DPP6: variants seen among roughly 807,000 people sequenced by gnomAD.
DPP6 encodes A-type potassium channel modulatory protein DPP6.
In DPP6, 69 loss-of-function variants were observed where a neutral mutation model predicts 122.6. The ratio of observed to expected loss-of-function variants is 0.56; its 90% confidence interval spans 0.46 to 0.69. The LOEUF is 0.69. Ranked by LOEUF, DPP6 falls within the 30% of genes least tolerant of loss-of-function variation. DPP6 has a pLI of 0.00. For synonymous variants in DPP6, 418 were observed against 433.1 expected (o/e 0.97, Z 0.43); for missense variants, 928 against 1,116.9 (o/e 0.83, Z 2.41).
At chr7:154,774,763 G>T (rs543870294) in intron 10 of DPP6, among the ~76,000 whole-genome samples, 1 of 152,316 alleles carries the variant, frequency 6.6e-6, no homozygotes, top group African/African-American at 2.4e-5. Flanking sequence ...CCAGCCATTT[G>T]CCTGAGCACT....
chr7:154,360,466 C>G (rs1811634985), intron 1 of DPP6, among the ~76,000 whole-genome samples: 1 of 152,208 alleles, frequency 6.6e-6, no homozygotes, highest in East Asian at 1.9e-4. Flanking sequence ...GATGATCGTT[C>G]CAGACAGAGA....
chr7:154,309,857 T>G (rs1372713088), intron 1 of DPP6, among the ~76,000 whole-genome samples: 2 of 152,182 alleles, frequency 1.3e-5, no homozygotes, highest in South Asian at 2.1e-4. Context: ...CCTTTCACAG[T>G]TCACACGGAC....
chr7:154,203,459 T>C (rs1345650213), intron 1 of DPP6, among the ~76,000 whole-genome samples: 1 of 152,204 alleles, frequency 6.6e-6, no homozygotes, highest in Non-Finnish European at 1.5e-5. Context: ...TCCTGACCTC[T>C]GCTCAGAAGC....
At chr7:154,122,965 G>GT (rs1358250811) in intron 1 of DPP6, among the ~76,000 whole-genome samples, 2 of 152,048 alleles carry the variant, frequency 1.3e-5, no homozygotes, top group African/African-American at 4.8e-5. Context: ...CAGCCGTGGA[G>GT]TGGATCTTCA....
At chr7:153,937,329 C>T (rs1343407734) in intron 1 of DPP6, among the ~76,000 whole-genome samples, 2 of 152,012 alleles carry the variant, frequency 1.3e-5, no homozygotes, top group African/African-American at 4.8e-5. Flanking sequence ...TCCCTCCTAA[C>T]TATCACCAAA....
intron 7 of DPP6, among the ~76,000 whole-genome samples, chr7:154,720,682 G>A (rs901694178): frequency 1.7e-4 from 26 of 152,392 alleles, no homozygotes; most frequent in African/African-American, 6.3e-4. Context: ...CAGTGCCACA[G>A]TTGGGTTGAG....
At chr7:154,118,946 G>A (rs1411095665) in intron 1 of DPP6, among the ~76,000 whole-genome samples, 1 of 150,346 alleles carries the variant, frequency 6.7e-6, no homozygotes, top group African/African-American at 2.5e-5. Flanking sequence ...TAAAATAAAA[G>A]CTGACCGACT....
At chr7:154,161,106 T>C (rs1796959024) in intron 1 of DPP6, among the ~76,000 whole-genome samples, 1 of 152,210 alleles carries the variant, frequency 6.6e-6, no homozygotes. Flanking sequence ...TTTTATATAA[T>C]AGATATATCC....
At chr7:154,248,425 G>C (rs1047367418) in intron 1 of DPP6, among the ~76,000 whole-genome samples, 1 of 152,038 alleles carries the variant, frequency 6.6e-6, no homozygotes, top group African/African-American at 2.4e-5. Context: ...AGAGAAGTCA[G>C]AACAGTGATT....
At chr7:154,253,587 ATATG>A (rs1354452914) in intron 1 of DPP6, among the ~76,000 whole-genome samples, 1 of 152,238 alleles carries the variant, frequency 6.6e-6, no homozygotes, top group African/African-American at 2.4e-5. Flanking sequence ...TTTTCTAAGA[ATATG>A]TATATGACTA....
At position 154,794,051 on chromosome 7, in the gene DPP6, C is replaced by A. The variant is rs1159707452; in HGVS notation, c.1137-28C>A. Reference sequence around the variant, plus strand: ...TCTGTCGTGCGGGGGTCCTGCCAAGCTGCTCATGCTGTGTTTGGCGTTTCC... The same window carrying A: ...TCTGTCGTGCGGGGGTCCTGCCAAGATGCTCATGCTGTGTTTGGCGTTTCC... On this transcript the variant is annotated intron_variant, in intron 10 of 25. Coordinates refer to ENST00000377770, the MANE Select transcript of DPP6 (RefSeq NM_130797.4). The A allele has an allele frequency of 3.7e-6, 6 of 1,604,644 alleles. No individual in the cohort carries two copies. In the East Asian group the frequency reaches 1.3e-4, roughly 36 times the overall value.
intron 5 of DPP6, among the ~76,000 whole-genome samples, chr7:154,595,846 G>T (rs1198144661): frequency 1.3e-5 from 2 of 152,184 alleles, no homozygotes; most frequent in Non-Finnish European, 2.9e-5. Context: ...AGATCACAAG[G>T]TCAGGAGTTT....
At chr7:153,915,964 TTTA>T (rs1423825920) in intron 1 of DPP6, among the ~76,000 whole-genome samples, 25 of 151,672 alleles carry the variant, frequency 1.6e-4, no homozygotes, top group Non-Finnish European at 1.5e-5. Flanking sequence ...TATTTATTTA[TTTA>T]TTTATTTATT....
intron 1 of DPP6, among the ~76,000 whole-genome samples, chr7:154,328,132 G>A (rs2151031675): frequency 6.6e-6 from 1 of 152,286 alleles, no homozygotes; most frequent in South Asian, 2.1e-4. Flanking sequence ...GAGACTAAAA[G>A]AAAAGGGAAA....
intron 1 of DPP6, among the ~76,000 whole-genome samples, chr7:154,264,505 T>A (rs1438001273): frequency 6.6e-6 from 1 of 152,158 alleles, no homozygotes; most frequent in Admixed American, 6.5e-5. Flanking sequence ...GTAATAACAA[T>A]GTCTGTCTTG....
At chr7:153,949,904 A>G (rs1230808803) in intron 1 of DPP6, among the ~76,000 whole-genome samples, 3 of 152,186 alleles carry the variant, frequency 2.0e-5, no homozygotes, top group African/African-American at 7.2e-5. Flanking sequence ...CAGGGTCTGG[A>G]GGGTGAGTGG....
At chr7:154,832,437 G>A (rs746318441) in intron 16 of DPP6, among the ~76,000 whole-genome samples, 1 of 152,154 alleles carries the variant, frequency 6.6e-6, no homozygotes, top group African/African-American at 2.4e-5. Flanking sequence ...CCCAACAACC[G>A]ATCATGGGGT....
At chr7:154,003,969 T>C (rs1360149565) in intron 1 of DPP6, among the ~76,000 whole-genome samples, 1 of 152,176 alleles carries the variant, frequency 6.6e-6, no homozygotes, top group Non-Finnish European at 1.5e-5. Context: ...GTACACAGAC[T>C]GTAAGTAAAG....
intron 1 of DPP6, among the ~76,000 whole-genome samples, chr7:153,925,332 A>C (rs1461556235): frequency 1.5e-5 from 2 of 129,158 alleles, no homozygotes; most frequent in Non-Finnish European, 3.3e-5. Flanking sequence ...TCTGATGAAG[A>C]GAGATCATCC....
Sources: gnomAD v4.1 joint callset for allele counts (sites outside exome capture counted in the v4.1 genomes callset) on GRCh38, gnomAD v4.1.1 for gene constraint, MANE v1.5 for transcripts, NCBI Gene and HGNC (gene_info 2026-07-23, HGNC 2026-07-21) for gene names.